Variants in DOT1L observed in about 807,000 individuals in gnomAD.
DOT1L encodes the protein histone-lysine N-methyltransferase, H3 lysine-79 specific.
Under a neutral mutation model 153.3 loss-of-function variants are expected in DOT1L, and 33 were observed. The observed-to-expected ratio is 0.22, with a 90% confidence interval of 0.16 to 0.29. DOT1L has a LOEUF of 0.29. Ranked by LOEUF, DOT1L falls within the 10% of genes least tolerant of loss-of-function variation. The probability of loss-of-function intolerance (pLI) is 1.00; values close to 1 mark genes in which losing one functional copy is unlikely to be tolerated. For synonymous variants in DOT1L, 1,135 were observed against 965.1 expected (o/e 1.18, Z -3.26); for missense variants, 1,847 against 2,119.9 (o/e 0.87, Z 2.53).
Position 2,226,452 on chromosome 19 carries a change from A to C in DOT1L, c.3931A>C (p.Asn1311His). The C allele has an allele frequency of 6.2e-7, 1 of 1,601,820 alleles. No homozygotes were observed. Residue 1311 changes from asparagine (N) to histidine (H), a missense_variant, in exon 27 of 28, where the codon AAC becomes CAC. Asn to His is a moderately conservative substitution (Grantham distance 68, BLOSUM62 1). Coordinates refer to ENST00000398665, the MANE Select transcript of DOT1L (RefSeq NM_032482.3). Reference protein sequence around the residue: ...SGADGLSPGTNPANGCTFGGG... With the variant: ...SGADGLSPGTHPANGCTFGGG... ...GGCTGACGGACTCAGCCCGGGCACC[A>C]ACCCTGCCAACGGCTGCACCTTCGG...
Position 2,226,906 on chromosome 19 carries a change from G to A in DOT1L, c.4385G>A (p.Arg1462Gln), listed in dbSNP as rs780394086. The change falls in exon 27 of 28, where the codon CGG becomes CAG. Residue 1462 changes from arginine to glutamine, a missense_variant. Coordinates refer to ENST00000398665, the MANE Select transcript of DOT1L (RefSeq NM_032482.3). ...GGAASSAQTHRSFLGPFPPGP... is the reference protein window; with the variant it reads ...GGAASSAQTHQSFLGPFPPGP... ...GCGGCGTCCTCCGCCCAGACGCACC[G>A]GTCCTTCCTGGGCCCCTTCCCGCCG... 4.4e-6 allele frequency: 7 copies of A among 1,579,226 alleles called. No homozygotes were observed. The highest frequency in any genetic ancestry group is 3.4e-5 in the South Asian group (3 of 88,706).
Position 2,232,251 on chromosome 19 carries a change from G to A in DOT1L, c.*2459G>A, listed in dbSNP as rs113642925. ...AGGATACCCCCTCCTCGGCCCATGA[G>A]GCACGCACAGTGACTTATTTAAGAC... is the stretch of plus-strand genomic sequence containing the variant. On this transcript the variant is annotated 3_prime_UTR_variant, in exon 28 of 28. Coordinates refer to ENST00000398665, the MANE Select transcript of DOT1L (RefSeq NM_032482.3). The A allele has an allele frequency of 1.3e-4, 29 of 218,444 alleles. No individual in the cohort carries two copies. The highest frequency in any genetic ancestry group is 2.2e-4 in the Non-Finnish European group (24 of 108,942). 13.5% of individuals were successfully genotyped at this position (218,444 alleles called of 1,614,324 possible). A position where few individuals can be genotyped will look rare whatever the true frequency, so the allele number is the denominator to read the frequency against.
rs2024530725 is a variant in DOT1L, at chr19:2,230,034, T to C, written c.*242T>C. The C allele has an allele frequency of 4.6e-6, 3 of 655,476 alleles. No homozygotes were observed. The highest frequency in any genetic ancestry group is 5.6e-5 in the East Asian group (2 of 35,638). 40.6% of individuals were successfully genotyped at this position (655,476 alleles called of 1,614,324 possible). A position where few individuals can be genotyped will look rare whatever the true frequency, so the allele number is the denominator to read the frequency against. On this transcript the variant is annotated 3_prime_UTR_variant, in exon 28 of 28. Transcript: ENST00000398665. The stretch of plus-strand genomic sequence containing the variant: ...AAAAAGTATAAACAATTCTGACTTA[T>C]TTTATTCCATCTAAGTGGTAAAAGG...
Position 2,227,066 on chromosome 19 carries a change from C to T in DOT1L, c.4545C>T (p.Thr1515=), listed in dbSNP as rs773063288. The change falls in exon 27 of 28, where the codon ACC becomes ACT. Residue 1515 remains threonine (T), a synonymous_variant. Transcript: ENST00000398665. ...TGGTGCACGTGTCGTCCGCTGCCAC[C>T]AGACTGACCAACTCGCACGCCATGG... ...AGLVHVSSAA[T]RLTNSHAMGS... is the part of the protein sequence containing the mutation. The T allele has an allele frequency of 5.7e-6, 9 of 1,570,104 alleles. No individual in the cohort carries two copies. Among genetic ancestry groups the T allele is most frequent in the Non-Finnish European group, 7.7e-6 (9 of 1,163,284 alleles).
intron 22 of DOT1L, among the ~76,000 whole-genome samples, chr19:2,219,294 C>G (rs942193941): frequency 1.3e-5 from 2 of 152,240 alleles, no homozygotes; most frequent in African/African-American, 4.8e-5. Context: ...AAGTGTCAGC[C>G]CCCGTGCCCG....
chr19:2,224,282 G>A (rs896894808), intron 25 of DOT1L, among the ~76,000 whole-genome samples: 2 of 152,154 alleles, frequency 1.3e-5, no homozygotes, highest in Non-Finnish European at 2.9e-5. Flanking sequence ...GTGCCTGGGC[G>A]GAGGTGCTGG....
chr19:2,177,365 C>G (rs764464634), intron 1 of DOT1L, among the ~76,000 whole-genome samples: 1 of 152,018 alleles, frequency 6.6e-6, no homozygotes, highest in South Asian at 2.1e-4. Context: ...GCCGCGATCT[C>G]GGCTCACTGT....
In DOT1L at chr19:2,227,569, G is replaced by T. The variant is rs1214895650; in HGVS notation, c.4606+442G>T. On this transcript the variant is annotated intron_variant, in intron 27 of 27. Coordinates refer to ENST00000398665, the MANE Select transcript of DOT1L (RefSeq NM_032482.3). ...CTGCTGCGGGGCGGGGGGCCGGAGGGCGGAGGGCGGGCCACCACGAGCCTG... is the reference window on the plus strand; with the variant it reads ...CTGCTGCGGGGCGGGGGGCCGGAGGTCGGAGGGCGGGCCACCACGAGCCTG... The T allele has an allele frequency of 8.0e-6, 6 of 753,148 alleles. No homozygotes were observed. The Admixed American group carries it at 1.8e-4, about 23-fold the overall frequency. 46.7% of individuals were successfully genotyped at this position (753,148 alleles called of 1,614,324 possible). A position where few individuals can be genotyped will look rare whatever the true frequency, so the allele number is the denominator to read the frequency against.
Position 2,216,365 on chromosome 19 carries a change from T to A in DOT1L, c.2008T>A (p.Ser670Thr). The A allele has an allele frequency of 1.2e-6, 2 of 1,612,118 alleles. No homozygotes were observed. The highest frequency in any genetic ancestry group is 2.2e-5 in the South Asian group (2 of 91,004). Residue 670 changes from serine (S) to threonine (T), a missense_variant, in exon 20 of 28, where the codon TCC becomes ACC. Ser to Thr is a moderately conservative substitution (Grantham distance 58). Transcript: ENST00000398665. The stretch of plus-strand genomic sequence containing the variant: ...CTGTGTGCCGCCTGACGACGCCCTG[T>A]CCCTGCACCTGCGTGGGAAGGGCGC... ...KSCVPPDDAL[S>T]LHLRGKGALG...
chr19:2,187,430 A>G (rs1185089752), intron 3 of DOT1L, among the ~76,000 whole-genome samples: 1 of 152,224 alleles, frequency 6.6e-6, no homozygotes, highest in Admixed American at 6.5e-5. Context: ...CATCAGGGAC[A>G]GGCTGGGCAG....
intron 1 of DOT1L, among the ~76,000 whole-genome samples, chr19:2,176,701 C>T (rs1195911335): frequency 6.6e-6 from 1 of 152,262 alleles, no homozygotes; most frequent in Non-Finnish European, 1.5e-5. Flanking sequence ...ACTCAAACCA[C>T]AGCTGCAAAC....
At chr19:2,183,544 T>C (rs1171022647) in intron 2 of DOT1L, among the ~76,000 whole-genome samples, 1 of 152,158 alleles carries the variant, frequency 6.6e-6, no homozygotes, top group Non-Finnish European at 1.5e-5. Context: ...AGCTGGGCTT[T>C]TTCTAGAAAT....
At position 2,164,242 on chromosome 19, in the gene DOT1L, T is replaced by C; in HGVS notation, c.58T>C (p.Tyr20His). ...KSPVGAEPAVYPWPLPVYDKH... is the reference protein window; with the variant it reads ...KSPVGAEPAVHPWPLPVYDKH... ...GCCCGTGGGGGCTGAGCCCGCCGTC[T>C]ACCCGTGGCCGCTGCCGGTCTACGT... Residue 20 changes from tyrosine (Y) to histidine (H), a missense_variant, in exon 1 of 28, where the codon TAC (tyrosine) becomes CAC (histidine). Coordinates refer to ENST00000398665, the MANE Select transcript of DOT1L (RefSeq NM_032482.3). 2.3e-6 allele frequency: 3 copies of C among 1,285,616 alleles called. No individual in the cohort carries two copies. Among genetic ancestry groups the C allele is most frequent in the Non-Finnish European group, 2.0e-6 (2 of 1,013,576 alleles). The allele number at this position is 1,285,616 out of a possible 1,614,324, so 79.6% of individuals were successfully genotyped here. A position where few individuals can be genotyped will look rare whatever the true frequency, so the allele number is the denominator to read the frequency against.
chr19:2,229,886 C>G lies in DOT1L; in HGVS notation c.*94C>G. 1 of 1,608,160 alleles carries G rather than the reference C, an allele frequency of 6.2e-7. No individual in the cohort carries two copies. The highest frequency in any genetic ancestry group is 1.1e-5 in the South Asian group (1 of 90,958). On this transcript the variant is annotated 3_prime_UTR_variant, in exon 28 of 28. Transcript: ENST00000398665. Reference sequence around the variant, plus strand: ...CCGCCGGCCTGCCGGGCTCCCACCCCTGGACGGCAGAGGCAAGGACGGACG... The same window carrying G: ...CCGCCGGCCTGCCGGGCTCCCACCCGTGGACGGCAGAGGCAAGGACGGACG...
intron 1 of DOT1L, among the ~76,000 whole-genome samples, chr19:2,172,091 T>C (rs1170090343): frequency 6.6e-6 from 1 of 151,710 alleles, no homozygotes; most frequent in Non-Finnish European, 1.5e-5. Context: ...TGGGAGGGAG[T>C]GACTGAAACT....
intron 2 of DOT1L, among the ~76,000 whole-genome samples, chr19:2,184,702 C>T (rs148027901): frequency 6.9e-4 from 105 of 152,294 alleles, no homozygotes; most frequent in Non-Finnish European, 1.0e-3. Flanking sequence ...AGGGTACCGT[C>T]CTGATGGCAC....
chr19:2,209,214 T>C (rs1207910080), intron 12 of DOT1L, among the ~76,000 whole-genome samples: 1 of 151,946 alleles, frequency 6.6e-6, no homozygotes, highest in Admixed American at 6.5e-5. Context: ...CCCAGCCCTT[T>C]TCTCTCACCA....
chr19:2,189,681 A>G lies in DOT1L; in HGVS notation c.201-51A>G, dbSNP rs555421971. ...ATCCACATGCTGTCCCCTCCCATGC[A>G]TGCGGCTGGCTCCTGCCCGCATGAC... is the stretch of plus-strand genomic sequence containing the variant. On this transcript the variant is annotated intron_variant, in intron 3 of 27. Transcript: ENST00000398665. The G allele has an allele frequency of 1.9e-5, 31 of 1,598,986 alleles. No individual in the cohort carries two copies. The Middle Eastern group carries it at 6.6e-4, about 34-fold the overall frequency.
chr19:2,200,113 C>T (rs185570284), intron 8 of DOT1L, among the ~76,000 whole-genome samples, 174 bp downstream of exon 8: 171 of 152,138 alleles, frequency 1.1e-3, no homozygotes, highest in Non-Finnish European at 1.7e-3. Flanking sequence ...CCTCTGCGGG[C>T]GCGCAGAGCA....
Sources: allele counts gnomAD v4.1 joint callset (sites outside exome capture counted in the v4.1 genomes callset), GRCh38; gene constraint gnomAD v4.1.1; transcripts MANE v1.5; gene names NCBI Gene and HGNC (gene_info 2026-07-23, HGNC 2026-07-21).